OPCML: variants seen among roughly 807,000 people sequenced by gnomAD.
OPCML encodes the protein opioid binding protein/cell adhesion molecule like, also known as opioid-binding protein/cell adhesion molecule.
In OPCML, 13 loss-of-function variants were observed where a neutral mutation model predicts 37.8. That is an observed-to-expected ratio of 0.34 (90% CI 0.22 to 0.55). The LOEUF (loss-of-function observed/expected upper bound fraction) is 0.55. OPCML is among the 20% of genes least tolerant of loss of function. The pLI, the probability that OPCML is intolerant of heterozygous loss-of-function variation, is 0.91. For synonymous variants in OPCML, 176 were observed against 168.8 expected (o/e 1.04, Z -0.33); for missense variants, 341 against 435.6 (o/e 0.78, Z 1.93).
At chr11:133,107,225 T>C (rs1176324059) in intron 1 of OPCML, among the ~76,000 whole-genome samples, 1 of 152,198 alleles carries the variant, frequency 6.6e-6, no homozygotes. Context: ...CTCTGAGGTA[T>C]AGAAGTAGAT....
At chr11:133,130,971 G>A (rs1949595054) in intron 1 of OPCML, among the ~76,000 whole-genome samples, 1 of 152,136 alleles carries the variant, frequency 6.6e-6, no homozygotes, top group Non-Finnish European at 1.5e-5. Context: ...AAATATCTAT[G>A]TTGAAACCTA....
At chr11:132,633,975 G>A (rs1222659466) in intron 3 of OPCML, among the ~76,000 whole-genome samples, 1 of 152,206 alleles carries the variant, frequency 6.6e-6, no homozygotes, top group African/African-American at 2.4e-5. Context: ...TTCTTCTCCA[G>A]TGTGTGGCTT....
At chr11:133,269,082 G>C (rs1408835650) in intron 1 of OPCML, among the ~76,000 whole-genome samples, 1 of 152,210 alleles carries the variant, frequency 6.6e-6, no homozygotes, top group East Asian at 1.9e-4. Flanking sequence ...TACAGGTTCA[G>C]ATGGGGAGTC....
intron 1 of OPCML, among the ~76,000 whole-genome samples, chr11:133,465,185 A>T (rs1946947979): frequency 6.6e-6 from 1 of 152,174 alleles, no homozygotes; most frequent in Non-Finnish European, 1.5e-5. Flanking sequence ...TCTGACTTCC[A>T]GACACTGCCT....
At chr11:133,530,828 T>G (rs548164791) in intron 1 of OPCML, among the ~76,000 whole-genome samples, 75 of 152,326 alleles carry the variant, frequency 4.9e-4, no homozygotes, top group African/African-American at 1.8e-3. Flanking sequence ...CCTCTCTTCT[T>G]TCTCCCCAGT....
At chr11:132,661,717 T>C (rs1281405081) in intron 2 of OPCML, among the ~76,000 whole-genome samples, 1 of 152,246 alleles carries the variant, frequency 6.6e-6, no homozygotes, top group African/African-American at 2.4e-5. Flanking sequence ...TGATCCTTGA[T>C]AAAACAGAAC....
chr11:133,292,157 T>C (rs1008027439), intron 1 of OPCML, among the ~76,000 whole-genome samples: 6 of 152,224 alleles, frequency 3.9e-5, no homozygotes, highest in Middle Eastern at 3.4e-3. Context: ...GCCCTTTCCA[T>C]CTTTAAAACA....
chr11:132,555,593 T>C (rs889538878), intron 3 of OPCML, among the ~76,000 whole-genome samples: 21 of 152,098 alleles, frequency 1.4e-4, no homozygotes, highest in African/African-American at 4.8e-4. Context: ...CCAATCTAAA[T>C]TAATTTAGAT....
chr11:132,420,561 G>A (rs963631425), intron 7 of OPCML, among the ~76,000 whole-genome samples: 6 of 152,200 alleles, frequency 3.9e-5, no homozygotes, highest in African/African-American at 1.4e-4. Flanking sequence ...AGGCCCGTGG[G>A]CCCAAAGGTT....
chr11:133,354,479 A>C (rs1944236888), intron 1 of OPCML, among the ~76,000 whole-genome samples: 1 of 152,146 alleles, frequency 6.6e-6, no homozygotes, highest in Admixed American at 6.5e-5. Context: ...ATACAGAGGC[A>C]GAGAGAAATT....
chr11:133,273,813 C>T (rs1941917384), intron 1 of OPCML, among the ~76,000 whole-genome samples: 1 of 152,030 alleles, frequency 6.6e-6, no homozygotes, highest in South Asian at 2.1e-4. Flanking sequence ...AGCCAATGTC[C>T]GTCATTATCA....
chr11:133,143,182 A>G (rs1592045169), intron 1 of OPCML, among the ~76,000 whole-genome samples: 5 of 152,200 alleles, frequency 3.3e-5, no homozygotes, highest in Admixed American at 2.6e-4. Flanking sequence ...TGTCAGTGAC[A>G]TATGAGCAAT....
At chr11:132,519,627 C>A (rs551486329) in intron 4 of OPCML, among the ~76,000 whole-genome samples, 3 of 152,074 alleles carry the variant, frequency 2.0e-5, no homozygotes, top group African/African-American at 7.2e-5. Flanking sequence ...CATTGCTAGA[C>A]CTTCACACAC....
intron 1 of OPCML, among the ~76,000 whole-genome samples, chr11:133,437,308 G>T (rs889457694): frequency 1.3e-5 from 2 of 152,038 alleles, no homozygotes; most frequent in Admixed American, 6.6e-5. Flanking sequence ...TATCAATAGG[G>T]GCTAAGATGA....
chr11:133,066,045 C>T (rs6590675), intron 1 of OPCML: 15,239 of 152,562 alleles, frequency 0.1, 1,577 homozygotes, highest in African/African-American at 0.26. Context: ...AACCTTGGTG[C>T]CCGCAACATC....
At chr11:133,478,176 T>C (rs1591544114) in intron 1 of OPCML, among the ~76,000 whole-genome samples, 1 of 152,112 alleles carries the variant, frequency 6.6e-6, no homozygotes, top group Non-Finnish European at 1.5e-5. Context: ...CTGGAGAACA[T>C]CCTGAGCTTC....
At chr11:132,972,048 C>G (rs959435949) in intron 1 of OPCML, among the ~76,000 whole-genome samples, 3 of 152,208 alleles carry the variant, frequency 2.0e-5, no homozygotes, top group African/African-American at 7.2e-5. Context: ...ATCCCAGGTA[C>G]TCAGAGACAG....
chr11:132,900,423 C>T (rs1944013726), intron 2 of OPCML, among the ~76,000 whole-genome samples: 1 of 152,194 alleles, frequency 6.6e-6, no homozygotes, highest in Non-Finnish European at 1.5e-5. Flanking sequence ...CATCTCTCAT[C>T]TCAACTCTCG....
intron 1 of OPCML, among the ~76,000 whole-genome samples, chr11:133,286,470 C>CAAAAA (rs60645863): frequency 3.3e-4 from 17 of 51,262 alleles, no homozygotes; most frequent in South Asian, 1.2e-3. Flanking sequence ...CTGTGTCTCA[C>CAAAAA]AAAAAAAAAA....
Sources: allele counts gnomAD v4.1 joint callset (sites outside exome capture counted in the v4.1 genomes callset), GRCh38; gene constraint gnomAD v4.1.1; transcripts MANE v1.5; gene names NCBI Gene and HGNC (gene_info 2026-07-23, HGNC 2026-07-21).